CERS3: variants seen among roughly 807,000 people sequenced by gnomAD.
CERS3 encodes LAG1 homolog, ceramide synthase 3.
Under a neutral mutation model 50.3 loss-of-function variants are expected in CERS3, and 33 were observed. The ratio of observed to expected loss-of-function variants is 0.66; its 90% CI spans 0.50 to 0.88. The LOEUF (loss-of-function observed/expected upper bound fraction) is 0.88. Among genes scored for constraint, CERS3 ranks in the 40% least tolerant of loss-of-function variants. The pLI is 0.00. For missense variants in CERS3, 470 were observed against 460.3 expected, an observed-to-expected ratio of 1.02 and a Z score of -0.19; for synonymous variants, 176 against 155.2, an observed-to-expected ratio of 1.13 and a Z score of -0.99.
intron 5 of CERS3, among the ~76,000 whole-genome samples, chr15:100,483,260 G>A (rs942160875): frequency 1.3e-5 from 2 of 152,046 alleles, no homozygotes; most frequent in African/African-American, 2.4e-5. Flanking sequence ...ACACTCCCAT[G>A]TGCCACTGGG....
In CERS3 at chr15:100,409,908, G is replaced by A. The variant is rs796873345; in HGVS notation, c.1000-7043C>T. On this transcript the variant is annotated intron_variant, in intron 11 of 11. Transcript: ENST00000679737. The stretch of plus-strand genomic sequence containing the variant: ...CCTGGGTGTCAGCAGCCACAGGACT[G>A]TAATGATTTTGTGCGCAGTTCTTGC... 3.3e-5 allele frequency among the ~76,000 whole-genome samples: 5 copies of A among 152,210 alleles called. No individual in the cohort carries two copies. The South Asian group carries it at 6.2e-4, about 19-fold the overall frequency.
intron 11 of CERS3, among the ~76,000 whole-genome samples, chr15:100,442,790 C>T (rs1390433346): frequency 6.6e-6 from 1 of 152,224 alleles, no homozygotes; most frequent in African/African-American, 2.4e-5. Flanking sequence ...CTCGGAAGCC[C>T]CCTAGACCAT....
chr15:100,449,358 A>C (rs1466368364), intron 11 of CERS3, among the ~76,000 whole-genome samples: 1 of 152,184 alleles, frequency 6.6e-6, no homozygotes, highest in African/African-American at 2.4e-5. Context: ...GCCATTGCCC[A>C]TGCCACAGCT....
intron 1 of CERS3, among the ~76,000 whole-genome samples, chr15:100,536,578 A>C (rs905297372): frequency 2.0e-5 from 3 of 152,204 alleles, no homozygotes; most frequent in Non-Finnish European, 4.4e-5. Context: ...AGCCAGCATG[A>C]CTGGCCTAAG....
chr15:100,457,538 A>C (rs972731), intron 10 of CERS3, among the ~76,000 whole-genome samples: 74,138 of 152,078 alleles, frequency 0.49, 18,521 homozygotes, highest in Non-Finnish European at 0.55. Context: ...GTGGCACTCC[A>C]CTTTATGGCT....
intron 5 of CERS3, among the ~76,000 whole-genome samples, chr15:100,483,836 A>G (rs1413992831): frequency 7.5e-6 from 1 of 133,352 alleles, no homozygotes; most frequent in African/African-American, 2.8e-5. Context: ...GCTGGAGTGC[A>G]GTGGCGGGAT....
intron 2 of CERS3, among the ~76,000 whole-genome samples, chr15:100,513,287 C>A (rs2036398862): frequency 6.6e-6 from 1 of 152,142 alleles, no homozygotes; most frequent in Non-Finnish European, 1.5e-5. Flanking sequence ...GAAGAAACTC[C>A]ACTTGGGGAA....
intron 4 of CERS3, 153 bp downstream of exon 4, chr15:100,490,664 G>C: frequency 1.7e-6 from 1 of 595,358 alleles, no homozygotes; most frequent in South Asian, 2.2e-5. Flanking sequence ...TTCTAAACCT[G>C]TCAACAGAAC....
chr15:100,541,737 A>T (rs1442119038), intron 1 of CERS3, among the ~76,000 whole-genome samples: 1 of 152,214 alleles, frequency 6.6e-6, no homozygotes, highest in Non-Finnish European at 1.5e-5. Context: ...TTAGTCTCTT[A>T]TTAAAAAATG....
At chr15:100,418,030 T>C (rs2032095625) in intron 11 of CERS3, among the ~76,000 whole-genome samples, 1 of 152,120 alleles carries the variant, frequency 6.6e-6, no homozygotes, top group African/African-American at 2.4e-5. Flanking sequence ...GCACCTCTCC[T>C]CCTCCAAAGG....
At chr15:100,474,217 T>A (rs558766464) in intron 8 of CERS3, among the ~76,000 whole-genome samples, 1 of 152,288 alleles carries the variant, frequency 6.6e-6, no homozygotes, top group Admixed American at 6.5e-5. Flanking sequence ...TGATGATGAT[T>A]GCACAACTCT....
At chr15:100,441,769 C>A (rs1302106414) in intron 11 of CERS3, among the ~76,000 whole-genome samples, 1 of 150,578 alleles carries the variant, frequency 6.6e-6, no homozygotes, top group Non-Finnish European at 1.5e-5. Context: ...GTCTGAGGTG[C>A]CTGACGTCCA....
chr15:100,458,623 T>C (rs2034453042), intron 10 of CERS3, among the ~76,000 whole-genome samples: 1 of 151,802 alleles, frequency 6.6e-6, no homozygotes, highest in African/African-American at 2.4e-5. Context: ...CGATTGCTTT[T>C]AAAAATTTAG....
intron 3 of CERS3, among the ~76,000 whole-genome samples, 172 bp from the exon 4 acceptor site, chr15:100,491,103 C>G (rs939372690): frequency 6.6e-6 from 1 of 151,232 alleles, no homozygotes; most frequent in Non-Finnish European, 1.5e-5. Flanking sequence ...AGTTTCAGTC[C>G]ATACAAAAAA....
intron 9 of CERS3, among the ~76,000 whole-genome samples, chr15:100,471,889 C>T (rs1469219508): frequency 6.6e-6 from 1 of 152,010 alleles, no homozygotes; most frequent in Non-Finnish European, 1.5e-5. Flanking sequence ...AATTACAGTC[C>T]CCCCATGGGC....
intron 11 of CERS3, among the ~76,000 whole-genome samples, chr15:100,452,048 A>G (rs190265992): frequency 1.6e-3 from 247 of 152,324 alleles, no homozygotes; most frequent in African/African-American, 5.7e-3. Context: ...ACACCCTCCT[A>G]TCACCATTAG....
At position 100,436,928 on chromosome 15, in the gene CERS3, C is replaced by A. The variant is rs557383539; in HGVS notation, c.999+18965G>T. On this transcript the variant is annotated intron_variant, in intron 11 of 11. Transcript: ENST00000679737. ...ATGATGATCCTATAGGAAGTAGCAT[C>A]TGTTCTTTCCTGACTTTTTTTTTTT... Among the ~76,000 whole-genome samples, 6 of 149,968 alleles carry A rather than the reference C, an allele frequency of 4.0e-5. No homozygotes were observed. The South Asian group carries it at 1.3e-3, about 32-fold the overall frequency.
chr15:100,417,253 G>A (rs942431113), intron 11 of CERS3, among the ~76,000 whole-genome samples: 7 of 151,806 alleles, frequency 4.6e-5, no homozygotes, highest in African/African-American at 1.7e-4. Context: ...AGCAGGGCGA[G>A]GCATTGCCTC....
At chr15:100,438,105 T>G (rs2654599) in intron 11 of CERS3, among the ~76,000 whole-genome samples, 2 of 146,572 alleles carry the variant, frequency 1.4e-5, no homozygotes, top group Non-Finnish European at 3.0e-5. Flanking sequence ...AGTGCAGTGG[T>G]GTGATCTTGG....
Sources: allele counts gnomAD v4.1 joint callset (sites outside exome capture counted in the v4.1 genomes callset), GRCh38; gene constraint gnomAD v4.1.1; transcripts MANE v1.5; gene names NCBI Gene and HGNC (gene_info 2026-07-23, HGNC 2026-07-21).